The following FILIP1L variants were observed in gnomAD, a reference collection of about 807,000 sequenced individuals.
FILIP1L encodes the protein filamin A interacting protein 1 like.
FILIP1L carries 55 observed loss-of-function variants against 96.6 expected under a neutral mutation model. The ratio of observed to expected loss-of-function variants is 0.57; its 90% confidence interval spans 0.46 to 0.71. The LOEUF is 0.71. Ranked by LOEUF, FILIP1L falls within the 30% of genes least tolerant of loss-of-function variation. The pLI, the probability that FILIP1L is intolerant of heterozygous loss-of-function variation, is 0.00. For synonymous variants in FILIP1L, 467 were observed against 473.9 expected, an observed-to-expected ratio of 0.99 and a Z score of 0.19; for missense variants, 1,304 against 1,321.2, an observed-to-expected ratio of 0.99 and a Z score of 0.20.
At chr3:99,943,011 G>T (rs940507306) in intron 1 of FILIP1L, among the ~76,000 whole-genome samples, 1 of 152,144 alleles carries the variant, frequency 6.6e-6, no homozygotes, top group Admixed American at 6.5e-5. Flanking sequence ...GCAAAGAGCT[G>T]CTGTGACCTC....
chr3:99,831,435 A>G (rs1942666368), intron 5 of FILIP1L, among the ~76,000 whole-genome samples: 1 of 152,218 alleles, frequency 6.6e-6, no homozygotes, highest in Non-Finnish European at 1.5e-5. Context: ...TTTTATAGTA[A>G]GTATGCTATG....
chr3:99,896,663 C>T (rs1437990177), intron 4 of FILIP1L, among the ~76,000 whole-genome samples: 1 of 152,156 alleles, frequency 6.6e-6, no homozygotes, highest in Non-Finnish European at 1.5e-5. Context: ...CTGGAGTGCT[C>T]TTCATTTAAA....
intron 1 of FILIP1L, among the ~76,000 whole-genome samples, chr3:100,089,759 A>G (rs1177527157): frequency 2.0e-5 from 3 of 152,336 alleles, no homozygotes; most frequent in East Asian, 3.9e-4. Flanking sequence ...AAAAGAAGAC[A>G]CCCGTGGCTA....
intron 1 of FILIP1L, among the ~76,000 whole-genome samples, chr3:100,048,244 A>C (rs2065309737): frequency 6.6e-6 from 1 of 152,212 alleles, no homozygotes; most frequent in Non-Finnish European, 1.5e-5. Context: ...TTACTAGGAA[A>C]ACTAGCAATA....
intron 1 of FILIP1L, among the ~76,000 whole-genome samples, chr3:99,940,259 G>A (rs1707813490): frequency 6.6e-6 from 1 of 152,220 alleles, no homozygotes; most frequent in African/African-American, 2.4e-5. Flanking sequence ...TGTAGTCCAA[G>A]TTAGGTTTAA....
intron 1 of FILIP1L, among the ~76,000 whole-genome samples, chr3:100,072,347 C>A (rs1160172423): frequency 6.6e-6 from 1 of 152,194 alleles, no homozygotes; most frequent in Non-Finnish European, 1.5e-5. Context: ...CAAATCTGGG[C>A]TCAAACTTGA....
chr3:99,981,452 CT>C, intron 1 of FILIP1L, among the ~76,000 whole-genome samples: 1 of 152,244 alleles, frequency 6.6e-6, no homozygotes, highest in East Asian at 1.9e-4. Context: ...TCTCTGGCCA[CT>C]CTTATTAGTA....
chr3:100,009,343 A>T (rs1241541737), intron 1 of FILIP1L, among the ~76,000 whole-genome samples: 2 of 152,200 alleles, frequency 1.3e-5, no homozygotes, highest in African/African-American at 4.8e-5. Context: ...AGGGAGTTAG[A>T]GTTCGCAGTA....
chr3:99,885,466 C>T (rs980690709), intron 4 of FILIP1L, among the ~76,000 whole-genome samples: 1 of 152,148 alleles, frequency 6.6e-6, no homozygotes, highest in Non-Finnish European at 1.5e-5. Flanking sequence ...ATTTTATTGT[C>T]GTGCCCTTTT....
intron 4 of FILIP1L, among the ~76,000 whole-genome samples, chr3:99,894,939 G>A (rs927622483): frequency 6.6e-6 from 1 of 152,140 alleles, no homozygotes; most frequent in Non-Finnish European, 1.5e-5. Flanking sequence ...TGTGTTACAC[G>A]AAACATGATA....
At chr3:99,882,932 C>T (rs944380071) in intron 4 of FILIP1L, among the ~76,000 whole-genome samples, 1 of 152,132 alleles carries the variant, frequency 6.6e-6, no homozygotes, top group Admixed American at 6.5e-5. Context: ...CATGTCAAAA[C>T]CCTAATGGAG....
intron 1 of FILIP1L, among the ~76,000 whole-genome samples, chr3:100,043,996 C>A (rs6799379): frequency 6.6e-6 from 1 of 151,958 alleles, no homozygotes; most frequent in African/African-American, 2.4e-5. Context: ...GTTCCATCCA[C>A]GTTGTTGGAA....
At chr3:99,881,820 A>G (rs1173510856) in intron 4 of FILIP1L, among the ~76,000 whole-genome samples, 1 of 152,232 alleles carries the variant, frequency 6.6e-6, no homozygotes, top group East Asian at 1.9e-4. Context: ...GGCGTGAGCC[A>G]CCGTGACTGA....
intron 1 of FILIP1L, among the ~76,000 whole-genome samples, chr3:100,060,904 C>G (rs564383955): frequency 6.6e-6 from 1 of 152,176 alleles, no homozygotes; most frequent in Non-Finnish European, 1.5e-5. Flanking sequence ...CTCTTTGAGC[C>G]ATACAGATCT....
intron 4 of FILIP1L, among the ~76,000 whole-genome samples, chr3:99,897,593 C>G (rs958108623): frequency 2.0e-5 from 3 of 152,050 alleles, no homozygotes; most frequent in East Asian, 1.9e-4. Context: ...AATGGGATGC[C>G]TTATGATGGA....
At chr3:99,958,253 G>T (rs1165557356) in intron 1 of FILIP1L, among the ~76,000 whole-genome samples, 1 of 143,138 alleles carries the variant, frequency 7.0e-6, no homozygotes, top group East Asian at 2.0e-4. Flanking sequence ...ATTATTATTT[G>T]AAGGTAACAT....
intron 1 of FILIP1L, among the ~76,000 whole-genome samples, chr3:100,102,385 A>T (rs1034779494): frequency 3.9e-5 from 6 of 152,208 alleles, no homozygotes; most frequent in Admixed American, 6.5e-5. Flanking sequence ...ATAACTAAAT[A>T]TCCTTGGAAA....
intron 1 of FILIP1L, among the ~76,000 whole-genome samples, chr3:100,101,695 G>A (rs1411297622): frequency 6.6e-5 from 10 of 152,054 alleles, no homozygotes; most frequent in Admixed American, 6.6e-4. Flanking sequence ...ATGTATACAT[G>A]TGCCATGTTG....
chr3:99,924,773 C>T (rs558198849), intron 3 of FILIP1L, among the ~76,000 whole-genome samples: 55 of 152,272 alleles, frequency 3.6e-4, no homozygotes, highest in African/African-American at 1.3e-3. Flanking sequence ...CTGCCTGCTT[C>T]GGCCTCCCAA....
Sources: allele counts gnomAD v4.1 joint callset (sites outside exome capture counted in the v4.1 genomes callset), GRCh38; gene constraint gnomAD v4.1.1; transcripts MANE v1.5; gene names NCBI Gene and HGNC (gene_info 2026-07-23, HGNC 2026-07-21).